TSGA10: variants seen among roughly 807,000 people sequenced by gnomAD.
The protein encoded by TSGA10 is testis specific 10, also known as testis-specific gene 10 protein.
In TSGA10, 43 loss-of-function variants were observed where a neutral mutation model predicts 96.6. That is an observed-to-expected ratio of 0.44 (90% CI 0.35 to 0.57). The LOEUF is 0.57. Ranked by LOEUF, TSGA10 falls within the 20% of genes least tolerant of loss-of-function variation. TSGA10 has a pLI of 0.01. For synonymous variants in TSGA10, 229 were observed against 269.9 expected (o/e 0.85, Z 1.48); for missense variants, 703 against 834.4 (o/e 0.84, Z 1.94).
chr2:99,076,289 T>C (rs909643678), intron 12 of TSGA10, among the ~76,000 whole-genome samples: 5 of 152,212 alleles, frequency 3.3e-5, no homozygotes, highest in Non-Finnish European at 7.3e-5. Context: ...CCTACTATTC[T>C]AATATAGCTC....
intron 1 of TSGA10, chr2:99,150,899 G>A (rs1016001642): frequency 3.4e-5 from 35 of 1,035,946 alleles, no homozygotes; most frequent in Non-Finnish European, 5.0e-5. Context: ...TGTTGAAAGA[G>A]AACTTAACCT....
chr2:99,110,517 A>T (rs746235693), intron 5 of TSGA10, among the ~76,000 whole-genome samples: 1 of 152,238 alleles, frequency 6.6e-6, no homozygotes, highest in Non-Finnish European at 1.5e-5. Flanking sequence ...ATTTACTATT[A>T]AGGGGGATAA....
chr2:99,068,715 C>T (rs2085557861), intron 15 of TSGA10, among the ~76,000 whole-genome samples, 173 bp downstream of exon 15: 1 of 152,152 alleles, frequency 6.6e-6, no homozygotes, highest in African/African-American at 2.4e-5. Context: ...GCATATTCTC[C>T]AGGCATCTTT....
At chr2:99,118,714 A>C in intron 2 of TSGA10, 28 bp from the exon 3 acceptor site, 1 of 975,084 alleles carries the variant, frequency 1.0e-6, no homozygotes, top group Non-Finnish European at 1.2e-6. Context: ...AATTAGACCC[A>C]TTGAACAATG....
At chr2:99,140,550 T>C (rs1433735321) in intron 1 of TSGA10, among the ~76,000 whole-genome samples, 1 of 152,136 alleles carries the variant, frequency 6.6e-6, no homozygotes, top group Non-Finnish European at 1.5e-5. Flanking sequence ...ATCACCTAGT[T>C]ATCCAATTTA....
At chr2:99,105,274 C>G in intron 9 of TSGA10, 85 bp downstream of exon 9, 1 of 1,173,842 alleles carries the variant, frequency 8.5e-7, no homozygotes. Context: ...AATAAAATAA[C>G]TTCTCTGAAT....
chr2:99,021,582 C>T (rs894411879), intron 17 of TSGA10, among the ~76,000 whole-genome samples: 3 of 152,180 alleles, frequency 2.0e-5, no homozygotes, highest in African/African-American at 7.2e-5. Flanking sequence ...CTTCTTACCT[C>T]AACATTACTG....
intron 2 of TSGA10, among the ~76,000 whole-genome samples, chr2:99,121,797 C>T (rs1433444833): frequency 6.6e-6 from 1 of 152,136 alleles, no homozygotes; most frequent in East Asian, 1.9e-4. Flanking sequence ...GTCCATATTA[C>T]CAATTTTTCC....
intron 1 of TSGA10, among the ~76,000 whole-genome samples, chr2:99,149,795 T>C (rs1466668090): frequency 7.0e-6 from 1 of 142,854 alleles, no homozygotes; most frequent in Non-Finnish European, 1.6e-5. Flanking sequence ...CTTTTTTTTT[T>C]TTTTTTTTTT....
At chr2:99,104,754 C>A (rs2104807752) in intron 9 of TSGA10, among the ~76,000 whole-genome samples, 1 of 152,300 alleles carries the variant, frequency 6.6e-6, no homozygotes, top group African/African-American at 2.4e-5. Context: ...GGATTACAGG[C>A]ATGAGCCACC....
chr2:99,033,046 T>A (rs537712116), intron 17 of TSGA10, among the ~76,000 whole-genome samples: 1 of 152,176 alleles, frequency 6.6e-6, no homozygotes, highest in Non-Finnish European at 1.5e-5. Context: ...GAAAACTGAA[T>A]TGGTCATTTT....
chr2:99,016,897 A>G (rs1265868984), intron 20 of TSGA10, among the ~76,000 whole-genome samples: 4 of 152,242 alleles, frequency 2.6e-5, no homozygotes, highest in Non-Finnish European at 5.9e-5. Flanking sequence ...ACATATGAAA[A>G]GATGCTCATC....
rs2092868795 is a variant in TSGA10, at chr2:99,127,093, T to C, written c.-537A>G. Reference sequence around the variant, plus strand: ...TGAATCTATCTTGGTTTCTCACTTCTTGTTCTAGCTGGAGAGTATTCTGGT... The same window carrying C: ...TGAATCTATCTTGGTTTCTCACTTCCTGTTCTAGCTGGAGAGTATTCTGGT... On this transcript the variant is annotated 5_prime_UTR_variant, in exon 2 of 21. Transcript: ENST00000393483. 7.8e-7 allele frequency: 1 copy of C among 1,289,622 alleles called. No homozygotes were observed. Among genetic ancestry groups the C allele is most frequent in the Admixed American group, 2.3e-5 (1 of 43,540 alleles). The allele number at this position is 1,289,622 out of a possible 1,614,324, so 79.9% of individuals were successfully genotyped here.
chr2:99,074,689 G>A (rs1197939058), intron 12 of TSGA10, among the ~76,000 whole-genome samples: 10 of 152,030 alleles, frequency 6.6e-5, no homozygotes, highest in South Asian at 2.1e-4. Flanking sequence ...GGCCGAATGC[G>A]GTGGCTTATG....
chr2:99,086,402 T>C (rs2104638935), intron 10 of TSGA10, among the ~76,000 whole-genome samples: 1 of 152,354 alleles, frequency 6.6e-6, no homozygotes, highest in South Asian at 2.1e-4. Flanking sequence ...AAGTGGGGTT[T>C]ACCCAGGCAT....
chr2:99,046,255 A>G (rs1166855298), intron 16 of TSGA10, among the ~76,000 whole-genome samples: 1 of 152,138 alleles, frequency 6.6e-6, no homozygotes, highest in Non-Finnish European at 1.5e-5. Flanking sequence ...TCCACCCCAA[A>G]TCAACAGAAT....
chr2:99,106,858 T>C (rs1473703131), intron 7 of TSGA10, among the ~76,000 whole-genome samples: 1 of 152,154 alleles, frequency 6.6e-6, no homozygotes, highest in Non-Finnish European at 1.5e-5. Context: ...TAACTTAACG[T>C]TTCTGCTCCT....
At chr2:99,012,383 C>T (rs148464163) in intron 20 of TSGA10, among the ~76,000 whole-genome samples, 22 of 152,126 alleles carry the variant, frequency 1.4e-4, no homozygotes, top group African/African-American at 4.6e-4. Flanking sequence ...TTAAAAGATA[C>T]GGAATGGCAG....
chr2:99,046,787 G>C (rs1191813335), intron 16 of TSGA10, among the ~76,000 whole-genome samples: 1 of 152,058 alleles, frequency 6.6e-6, no homozygotes, highest in Non-Finnish European at 1.5e-5. Context: ...TCCAGGACCT[G>C]GTTTTTTGAA....
Sources: allele counts gnomAD v4.1 joint callset (sites outside exome capture counted in the v4.1 genomes callset), GRCh38; gene constraint gnomAD v4.1.1; transcripts MANE v1.5; gene names NCBI Gene and HGNC (gene_info 2026-07-23, HGNC 2026-07-21).